ST3GAL6: variants seen among roughly 807,000 people sequenced by gnomAD.
ST3GAL6 encodes the protein ST3 beta-galactoside alpha-2,3-sialyltransferase 6, also known as type 2 lactosamine alpha-2,3-sialyltransferase.
A neutral mutation model predicts 40.5 loss-of-function variants in ST3GAL6; 31 were observed. The ratio of observed to expected loss-of-function variants is 0.77; its 90% CI spans 0.58 to 1.03. The LOEUF (loss-of-function observed/expected upper bound fraction) is 1.03, where lower values mean the gene tolerates loss of function less well. ST3GAL6 is among the 50% of genes least tolerant of loss of function. ST3GAL6 has a pLI of 0.00. For missense variants in ST3GAL6, 357 were observed against 393.2 expected, an observed-to-expected ratio of 0.91 and a Z score of 0.78; for synonymous variants, 129 against 136.9, an observed-to-expected ratio of 0.94 and a Z score of 0.40.
intron 1 of ST3GAL6, chr3:98,732,870 C>A (rs775263581): frequency 1.3e-6 from 2 of 1,512,956 alleles, no homozygotes; most frequent in South Asian, 2.4e-5. Context: ...CCCGATGTGG[C>A]AGGCGCCGCG....
intron 5 of ST3GAL6, among the ~76,000 whole-genome samples, chr3:98,779,408 G>T (rs572770050): frequency 6.6e-6 from 1 of 152,200 alleles, no homozygotes; most frequent in South Asian, 2.1e-4. Flanking sequence ...GGTAATGGGT[G>T]TTGGGAATGT....
intron 5 of ST3GAL6, among the ~76,000 whole-genome samples, chr3:98,776,912 G>T (rs911332867): frequency 3.9e-5 from 6 of 152,120 alleles, no homozygotes; most frequent in African/African-American, 1.4e-4. Flanking sequence ...CACTGTGAAT[G>T]GGAAAACTCA....
At chr3:98,733,219 C>G (rs1935200658) in intron 1 of ST3GAL6, 2 of 958,494 alleles carry the variant, frequency 2.1e-6, no homozygotes, top group Middle Eastern at 5.3e-4. Flanking sequence ...CGCTGGGACC[C>G]GCGAGCCAGC....
rs1225764197 is a variant in ST3GAL6 at position 98,763,409 on chromosome 3, G to T, written c.-42G>T. On this transcript the variant is annotated 5_prime_UTR_variant, in exon 1 of 10. Transcript: ENST00000483910. ...GTCCAGGGGCTGAATGGACACAGGT[G>T]TCAGCAGGGCCACCTGGTAAAGGTA... is the stretch of plus-strand genomic sequence containing the variant. 2 of 1,289,720 alleles carry T rather than the reference G, an allele frequency of 1.6e-6. No individual in the cohort carries two copies. Among genetic ancestry groups the T allele is most frequent in the East Asian group, 5.5e-5 (1 of 18,032 alleles). The allele number at this position is 1,289,720 out of a possible 1,614,324, so 79.9% of individuals were successfully genotyped here.
intron 1 of ST3GAL6, among the ~76,000 whole-genome samples, chr3:98,737,791 A>G (rs1935683306): frequency 6.6e-6 from 1 of 152,198 alleles, no homozygotes; most frequent in African/African-American, 2.4e-5. Context: ...AGGGATGGAG[A>G]AAAGTCTGGC....
chr3:98,776,287 G>A (rs1359752557), intron 5 of ST3GAL6, among the ~76,000 whole-genome samples: 1 of 152,200 alleles, frequency 6.6e-6, no homozygotes, highest in African/African-American at 2.4e-5. Flanking sequence ...AAGGCAGAAT[G>A]GACTGAATTG....
chr3:98,788,425 G>C lies in ST3GAL6; in HGVS notation c.718G>C (p.Glu240Gln). 2 of 1,611,096 alleles carry C rather than the reference G, an allele frequency of 1.2e-6. No homozygotes were observed. Among genetic ancestry groups the C allele is most frequent in the South Asian group, 2.2e-5 (2 of 90,278 alleles). The change falls in exon 8 of 10, where the codon GAA becomes CAA. Residue 240 changes from glutamate (E) to glutamine (Q), a missense_variant. Coordinates refer to ENST00000483910, the MANE Select transcript of ST3GAL6 (RefSeq NM_001323368.2). The part of the protein sequence containing the change: ...DPFIIRTAAY[E>Q]LLHFPKVFPK... The stretch of plus-strand genomic sequence containing the variant: ...TTTCATTATCAGAACAGCAGCTTAT[G>C]AACTGCTTCATTTTCCAAAAGTGTT...
At chr3:98,784,786 C>G (rs1337459762) in intron 5 of ST3GAL6, among the ~76,000 whole-genome samples, 159 bp from the exon 6 acceptor site, 1 of 152,128 alleles carries the variant, frequency 6.6e-6, no homozygotes, top group Non-Finnish European at 1.5e-5. Context: ...AATCTTGTAT[C>G]TTTTTAATAC....
chr3:98,762,538 A>G (rs1373266787), upstream of ST3GAL6: 1 of 167,284 alleles, frequency 6.0e-6, no homozygotes, highest in East Asian at 1.9e-4. Flanking sequence ...TCTAGCAGAA[A>G]ATCCCATCAA....
rs557650155 is a variant in ST3GAL6 at position 98,734,658 on chromosome 3, T to C, written c.-12+2126T>C. Among the ~76,000 whole-genome samples the C allele has an allele frequency of 6.6e-5, 10 of 152,346 alleles. No individual in the cohort carries two copies. The South Asian group carries it at 1.7e-3, about 25-fold the overall frequency. On this transcript the variant is annotated intron_variant, in intron 1 of 9. Transcript: ENST00000265261. The stretch of plus-strand genomic sequence containing the variant: ...TACATTTCAGTAGATTTGTTGGAGA[T>C]AGTTTGTTCTTATGCCCTATATCAA...
intron 5 of ST3GAL6, among the ~76,000 whole-genome samples, chr3:98,778,667 C>T (rs1939784198): frequency 6.6e-6 from 1 of 152,270 alleles, no homozygotes; most frequent in South Asian, 2.1e-4. Flanking sequence ...ACATACAAGA[C>T]CTAAGTGATT....
intron 1 of ST3GAL6, among the ~76,000 whole-genome samples, chr3:98,767,490 T>C (rs1199130772): frequency 6.6e-6 from 1 of 151,922 alleles, no homozygotes; most frequent in African/African-American, 2.4e-5. Context: ...TGGATAGGAG[T>C]GAAAGGAGTG....
At chr3:98,782,829 A>G in intron 5 of ST3GAL6, 1 of 503,538 alleles carries the variant, frequency 2.0e-6, no homozygotes, top group Admixed American at 2.3e-5. Context: ...GAACCCCTGA[A>G]ACAGTCTACC....
At chr3:98,777,717 CT>C (rs1357560200) in intron 5 of ST3GAL6, among the ~76,000 whole-genome samples, 4 of 151,812 alleles carry the variant, frequency 2.6e-5, no homozygotes, top group African/African-American at 9.7e-5. Context: ...TCTCTAACAA[CT>C]GAGTTCAGTG....
intron 8 of ST3GAL6, among the ~76,000 whole-genome samples, chr3:98,791,618 T>C (rs1559757713): frequency 6.6e-6 from 1 of 152,260 alleles, no homozygotes; most frequent in South Asian, 2.1e-4. Flanking sequence ...CTATATTTTA[T>C]TTTAAAGACT....
intron 1 of ST3GAL6, among the ~76,000 whole-genome samples, chr3:98,743,153 G>T (rs72930996): frequency 8.8e-4 from 133 of 151,888 alleles, no homozygotes; most frequent in African/African-American, 3.2e-3. Flanking sequence ...GAACACAGAT[G>T]TGAGCCACTA....
chr3:98,736,213 A>T (rs1241145429), intron 1 of ST3GAL6, among the ~76,000 whole-genome samples: 1 of 151,996 alleles, frequency 6.6e-6, no homozygotes, highest in Non-Finnish European at 1.5e-5. Context: ...CCCTTAGGAG[A>T]TTTTCTTAAA....
intron 1 of ST3GAL6, among the ~76,000 whole-genome samples, chr3:98,740,556 A>G (rs1935994434): frequency 6.6e-6 from 1 of 152,182 alleles, no homozygotes; most frequent in South Asian, 2.1e-4. Context: ...GCCAGATTAT[A>G]ACGTGTTCAG....
chr3:98,788,008 C>T (rs1256089741), intron 6 of ST3GAL6, 28 bp from the exon 7 acceptor site: 15 of 1,593,172 alleles, frequency 9.4e-6, no homozygotes, highest in Non-Finnish European at 1.3e-5. Context: ...ACTTGGTCTA[C>T]ATATCTTGTA....
Sources: gnomAD v4.1 joint callset for allele counts (sites outside exome capture counted in the v4.1 genomes callset) on GRCh38, gnomAD v4.1.1 for gene constraint, MANE v1.5 for transcripts, NCBI Gene and HGNC (gene_info 2026-07-23, HGNC 2026-07-21) for gene names.